Variants in TENM3 observed in about 807,000 individuals in gnomAD.
TENM3 encodes the protein teneurin-3.
TENM3 carries 63 observed loss-of-function variants against 255.1 expected under a neutral mutation model. The observed-to-expected ratio is 0.25, with a 90% CI of 0.20 to 0.30. The LOEUF (loss-of-function observed/expected upper bound fraction) is 0.30, where lower values mean the gene tolerates loss of function less well. Among genes scored for constraint, TENM3 ranks in the 10% least tolerant of loss-of-function variants. The probability of loss-of-function intolerance (pLI) is 1.00; values close to 1 mark genes in which losing one functional copy is unlikely to be tolerated. For missense variants in TENM3, 2,929 were observed against 3,461.1 expected, an observed-to-expected ratio of 0.85 and a Z score of 3.86; for synonymous variants, 1,306 against 1,322.3, an observed-to-expected ratio of 0.99 and a Z score of 0.27.
At chr4:182,468,734 C>T (rs1195697751) in intron 3 of TENM3, among the ~76,000 whole-genome samples, 1 of 151,670 alleles carries the variant, frequency 6.6e-6, no homozygotes, top group Non-Finnish European at 1.5e-5. Flanking sequence ...GACTTTCCTT[C>T]AATACTATGT....
chr4:181,736,737 G>C, the TENM3 span, among the ~76,000 whole-genome samples: 11 of 151,964 alleles, frequency 7.2e-5, no homozygotes, highest in Admixed American at 5.9e-4. Context: ...AGCCGACTGA[G>C]CCTCCCTGAT....
intron 13 of TENM3, among the ~76,000 whole-genome samples, chr4:182,717,422 C>T (rs1224916752): frequency 6.6e-6 from 1 of 152,154 alleles, no homozygotes; most frequent in East Asian, 1.9e-4. Context: ...CTGTCATGTA[C>T]GCTGGGTAAC....
intron 3 of TENM3, among the ~76,000 whole-genome samples, chr4:182,434,067 T>C (rs904817469): frequency 1.3e-5 from 2 of 151,422 alleles, no homozygotes; most frequent in African/African-American, 4.9e-5. Flanking sequence ...TGAGCTAGGA[T>C]TGCACCATTG....
the TENM3 span, among the ~76,000 whole-genome samples, chr4:181,466,528 T>C: frequency 6.6e-6 from 1 of 152,276 alleles, no homozygotes; most frequent in South Asian, 2.1e-4. Flanking sequence ...TGTAATTTAT[T>C]CCTATAGAAT....
chr4:181,551,405 A>G, the TENM3 span, among the ~76,000 whole-genome samples: 1 of 152,190 alleles, frequency 6.6e-6, no homozygotes, highest in African/African-American at 2.4e-5. Flanking sequence ...CATTCACATA[A>G]TGTTTAACGT....
the TENM3 span, among the ~76,000 whole-genome samples, chr4:181,947,251 C>T: frequency 1.3e-5 from 2 of 152,170 alleles, no homozygotes; most frequent in South Asian, 2.1e-4. Context: ...TACTATGCTA[C>T]GTACACTTGT....
chr4:182,642,096 A>G lies in TENM3; in HGVS notation c.989-11675A>G, dbSNP rs150608375. Among the ~76,000 whole-genome samples the G allele has an allele frequency of 4.5e-3, 687 of 152,350 alleles. 4 individuals are homozygous for G. Among genetic ancestry groups the G allele is most frequent in the African/African-American group, 0.016 (658 of 41,582 alleles). ...ATAAGTCCTCTTACCATACTCTTCA[A>G]TATTGACAAGTATTATCTCAAAAAT... On this transcript the variant is annotated intron_variant, in intron 5 of 27. Transcript: ENST00000511685.
intron 3 of TENM3, among the ~76,000 whole-genome samples, chr4:182,458,696 T>C (rs1288174816): frequency 2.6e-5 from 4 of 152,238 alleles, no homozygotes; most frequent in Admixed American, 2.6e-4. Context: ...CATTTGCTAC[T>C]GGGTTAGTTT....
At chr4:182,069,467 C>T in the TENM3 span, among the ~76,000 whole-genome samples, 1 of 152,046 alleles carries the variant, frequency 6.6e-6, no homozygotes, top group Non-Finnish European at 1.5e-5. Flanking sequence ...CCTTCTAGCC[C>T]CCTTCTACCA....
the TENM3 span, among the ~76,000 whole-genome samples, chr4:181,483,587 G>A: frequency 9.2e-5 from 14 of 152,196 alleles, no homozygotes; most frequent in Admixed American, 5.9e-4. Context: ...TAAGCTCATC[G>A]CTTTTCTAAT....
chr4:181,856,236 A>G, the TENM3 span, among the ~76,000 whole-genome samples: 1 of 151,788 alleles, frequency 6.6e-6, no homozygotes. Flanking sequence ...AGTTACCCCT[A>G]CCTCAATGTT....
rs1412971191 is a variant in TENM3 at position 182,799,928 on chromosome 4, G to T, written c.7677G>T (p.Leu2559=). 1 of 1,600,850 alleles carries T rather than the reference G, an allele frequency of 6.2e-7. No individual in the cohort carries two copies. The highest frequency in any genetic ancestry group is 8.5e-7 in the Non-Finnish European group (1 of 1,174,070). ...FIKTTTPESD[L]GTLRLTSGRK... ...AGACCACCACGCCCGAGAGCGACCT[G>T]GGCACGCTGCGGTTGACCAGCGGCC... The change falls in exon 28 of 28, where the codon CTG becomes CTT. Residue 2559 remains leucine, a synonymous_variant. Coordinates refer to ENST00000511685, the MANE Select transcript of TENM3 (RefSeq NM_001080477.4). This position sits in a 1 kb window ranked among gnomAD's most constrained non-coding sequence, Gnocchi z 4.2.
chr4:182,771,178 G>A (rs1764176338), intron 22 of TENM3, among the ~76,000 whole-genome samples: 1 of 152,190 alleles, frequency 6.6e-6, no homozygotes, highest in Non-Finnish European at 1.5e-5. Flanking sequence ...CAATGAAAGA[G>A]CAAAGTCAGA....
chr4:181,879,748 T>C, the TENM3 span, among the ~76,000 whole-genome samples: 1 of 152,172 alleles, frequency 6.6e-6, no homozygotes, highest in African/African-American at 2.4e-5. Context: ...CCTGTGATAC[T>C]TAGAAGAGAC....
At chr4:181,986,478 T>A in the TENM3 span, among the ~76,000 whole-genome samples, 1 of 152,100 alleles carries the variant, frequency 6.6e-6, no homozygotes, top group African/African-American at 2.4e-5. Flanking sequence ...CAACCTTTAG[T>A]GTTTCCGCAT....
chr4:182,171,000 G>A (rs1393597286), intron 1 of TENM3, among the ~76,000 whole-genome samples: 1 of 152,022 alleles, frequency 6.6e-6, no homozygotes, highest in Non-Finnish European at 1.5e-5. Flanking sequence ...AACAGCTATT[G>A]TAGAGTGATC....
At chr4:182,638,509 C>G (rs1041763689) in intron 5 of TENM3, among the ~76,000 whole-genome samples, 1 of 152,094 alleles carries the variant, frequency 6.6e-6, no homozygotes, top group Admixed American at 6.6e-5. Context: ...GTGCATCTTC[C>G]CATTGTACAG....
At chr4:182,626,100 T>C (rs1001065608) in intron 4 of TENM3, among the ~76,000 whole-genome samples, 2 of 152,244 alleles carry the variant, frequency 1.3e-5, no homozygotes, top group Non-Finnish European at 2.9e-5. Context: ...GCATTGTCTA[T>C]GGCGGCTTTC....
chr4:181,810,036 A>G, the TENM3 span, among the ~76,000 whole-genome samples: 1 of 152,192 alleles, frequency 6.6e-6, no homozygotes, highest in African/African-American at 2.4e-5. Context: ...ATAATGTGTT[A>G]TAGCAGCAAT....
Sources: allele counts gnomAD v4.1 joint callset (sites outside exome capture counted in the v4.1 genomes callset), GRCh38; gene constraint gnomAD v4.1.1; non-coding constraint Gnocchi (gnomAD v3.1); transcripts MANE v1.5; gene names NCBI Gene and HGNC (gene_info 2026-07-23, HGNC 2026-07-21).